Variants in RBSN observed in about 807,000 individuals in gnomAD.
RBSN encodes rabenosyn-5.
A neutral mutation model predicts 60.5 loss-of-function variants in RBSN; 34 were observed. The observed-to-expected ratio is 0.56, with a 90% CI of 0.43 to 0.75. The LOEUF (loss-of-function observed/expected upper bound fraction) is 0.75. RBSN is among the 30% of genes least tolerant of loss of function. The pLI is 0.00. For synonymous variants in RBSN, 322 were observed against 366.9 expected (o/e 0.88, Z 1.40); for missense variants, 845 against 986.8 (o/e 0.86, Z 1.92).
rs548482332 is a variant in RBSN at position 15,082,186 on chromosome 3, G to A, written c.840+181C>T. ...AAACGAGTTTGTTGCAACACACCCA[G>A]GATGACTCTGACTCACACAGGGCCC... On this transcript the variant is annotated intron_variant, in intron 9 of 13. Transcript: ENST00000253699. This position sits in a 1 kb window ranked among gnomAD's most constrained non-coding sequence, Gnocchi z 4.2. Among the ~76,000 whole-genome samples, 1 of 152,238 alleles carries A rather than the reference G, an allele frequency of 6.6e-6. No homozygotes were observed. The highest frequency in any genetic ancestry group is 1.9e-4 in the East Asian group (1 of 5,182).
In RBSN at chr3:15,093,670, A is replaced by G. The variant is rs543359961; in HGVS notation, c.148+2303T>C. The stretch of plus-strand genomic sequence containing the variant: ...CTCCCAAAGTACTAGAATTACAGGC[A>G]TGAGCCACCGCACCCGGCTGAAGTA... On this transcript the variant is annotated intron_variant, in intron 4 of 13. Transcript: ENST00000253699. 3.3e-5 allele frequency among the ~76,000 whole-genome samples: 5 copies of G among 152,166 alleles called. No individual in the cohort carries two copies. The East Asian group carries it at 9.7e-4, about 29-fold the overall frequency.
At chr3:15,075,247 G>A (rs540028886) in intron 13 of RBSN, 2 of 581,638 alleles carry the variant, frequency 3.4e-6, no homozygotes, top group East Asian at 3.3e-5. Context: ...ATCTCACGCA[G>A]CGTTAAATAC....
rs111598783 is a variant in RBSN, at chr3:15,082,357, C to T, written c.840+10G>A. 7,860 of 1,608,038 alleles carry T rather than the reference C, an allele frequency of 4.9e-3. 38 individuals are homozygous for T. The highest frequency in any genetic ancestry group is 0.012 in the Middle Eastern group (70 of 6,048). On this transcript the variant is annotated intron_variant, in intron 9 of 13. Coordinates refer to ENST00000253699, the MANE Select transcript of RBSN (RefSeq NM_022340.4). The surrounding 1 kb of genome is among the most constrained non-coding windows in gnomAD (Gnocchi z 4.2). Reference sequence around the variant, plus strand: ...AGAAATTAGACCCAAGACCAGACAGCGCGAATCACCTCGTAGAGCTTCACG... The same window carrying T: ...AGAAATTAGACCCAAGACCAGACAGTGCGAATCACCTCGTAGAGCTTCACG...
intron 4 of RBSN, among the ~76,000 whole-genome samples, chr3:15,091,093 C>T (rs2125180386): frequency 6.6e-6 from 1 of 150,664 alleles, no homozygotes; most frequent in Admixed American, 6.7e-5. Flanking sequence ...ACCTGTAGTC[C>T]CAGCTACTTG....
Position 15,074,682 on chromosome 3 carries a change from C to T in RBSN, c.1455G>A (p.Leu485=). The change falls in exon 14 of 14, where the codon CTG becomes CTA. Residue 485 remains leucine (L), a synonymous_variant. Transcript: ENST00000253699. This position sits in a 1 kb window ranked among gnomAD's most constrained non-coding sequence, Gnocchi z 6.4. The stretch of plus-strand genomic sequence containing the variant: ...CCTGCAGCTGCCGCAGGTTCTCCTG[C>T]AGAGTGCGCACTTCATCCATGCGGC... ...AAGRMDEVRT[L]QENLRQLQDE... is the part of the protein sequence containing the mutation. The T allele has an allele frequency of 1.2e-6, 2 of 1,614,274 alleles. No individual in the cohort carries two copies. The highest frequency in any genetic ancestry group is 2.2e-5 in the South Asian group (2 of 91,090).
chr3:15,093,439 G>C (rs1347358888), intron 4 of RBSN, among the ~76,000 whole-genome samples: 3 of 152,224 alleles, frequency 2.0e-5, no homozygotes, highest in Non-Finnish European at 4.4e-5. Flanking sequence ...TTTTGAGACA[G>C]TTTCACTCTG....
chr3:15,075,248 C>A, intron 13 of RBSN: 1 of 580,448 alleles, frequency 1.7e-6, no homozygotes, highest in South Asian at 1.8e-5. Context: ...TCTCACGCAG[C>A]GTTAAATACA....
At chr3:15,086,020 C>A in intron 5 of RBSN, 59 bp from the exon 6 acceptor site, 1 of 1,283,756 alleles carries the variant, frequency 7.8e-7, no homozygotes, top group Non-Finnish European at 1.1e-6. Flanking sequence ...GGAGCCTAGT[C>A]TCTACCTTGC....
intron 4 of RBSN, chr3:15,091,463 T>C: frequency 7.8e-7 from 1 of 1,286,500 alleles, no homozygotes; most frequent in Non-Finnish European, 1.0e-6. Context: ...TGAGAATACT[T>C]GCAAAAAGCT....
In RBSN at chr3:15,074,273, C is replaced by T. The variant is rs764563601; in HGVS notation, c.1864G>A (p.Gly622Arg). Reference protein sequence around the residue: ...PQSSMPQQHEGPSLNPFDEED... With the variant: ...PQSSMPQQHERPSLNPFDEED... Reference sequence around the variant, plus strand: ...TCATCAAAGGGGTTTAAGGAGGGCCCCTCATGTTGCTGTGGCATGCTGCTC... The same window carrying T: ...TCATCAAAGGGGTTTAAGGAGGGCCTCTCATGTTGCTGTGGCATGCTGCTC... The change falls in exon 14 of 14, where the codon GGG becomes AGG. Residue 622 changes from glycine (G) to arginine (R), a missense_variant. By Grantham distance (125) the Gly-to-Arg change is moderately radical. Transcript: ENST00000253699. This position sits in a 1 kb window ranked among gnomAD's most constrained non-coding sequence, Gnocchi z 6.4. 6.2e-7 allele frequency: 1 copy of T among 1,613,428 alleles called. No homozygotes were observed. The highest frequency in any genetic ancestry group is 1.1e-5 in the South Asian group (1 of 91,024).
At chr3:15,098,471 A>AAAAAAAAAAAAAC (rs2043731083) in intron 1 of RBSN, among the ~76,000 whole-genome samples, 197 bp from the exon 2 acceptor site, 1 of 43,898 alleles carries the variant, frequency 2.3e-5, no homozygotes, top group Admixed American at 2.7e-4. Flanking sequence ...AAATAAAAAT[A>AAAAAAAAAAAAAC]AAAAAAATAA....
intron 13 of RBSN, 194 bp downstream of exon 13, chr3:15,075,412 T>C (rs761049572): frequency 1.5e-6 from 1 of 688,558 alleles, no homozygotes; most frequent in South Asian, 1.5e-5. Flanking sequence ...GAAAGAAAAA[T>C]AGGCCCTGGG....
At chr3:15,098,579 T>G (rs1330224762) in intron 1 of RBSN, among the ~76,000 whole-genome samples, 10 of 147,876 alleles carry the variant, frequency 6.8e-5, no homozygotes, top group African/African-American at 1.0e-4. Flanking sequence ...CAACCCGGCC[T>G]CACGATCGCA....
chr3:15,079,873 T>C (rs1382129119), intron 10 of RBSN, among the ~76,000 whole-genome samples: 1 of 151,982 alleles, frequency 6.6e-6, no homozygotes, highest in Non-Finnish European at 1.5e-5. Flanking sequence ...ATTTTGTGAA[T>C]ACGCTAAAAA....
chr3:15,078,821 T>TAC (rs1559342922), intron 10 of RBSN, among the ~76,000 whole-genome samples: 5 of 112,886 alleles, frequency 4.4e-5, no homozygotes, highest in African/African-American at 1.3e-4. Flanking sequence ...TATATATATA[T>TAC]ATACATGGTT....
intron 5 of RBSN, among the ~76,000 whole-genome samples, chr3:15,088,040 C>T (rs2043395464): frequency 6.6e-6 from 1 of 152,184 alleles, no homozygotes; most frequent in African/African-American, 2.4e-5. Context: ...TAAAATTTGC[C>T]ATTCATTTGA....
intron 12 of RBSN, 85 bp downstream of exon 12, chr3:15,076,977 G>A (rs1402357682): frequency 1.4e-5 from 15 of 1,101,966 alleles, no homozygotes; most frequent in Non-Finnish European, 1.9e-5. Context: ...AAGTAAACAA[G>A]TCATTGGCAT....
At chr3:15,075,387 A>G (rs1480643058) in intron 13 of RBSN, 1 of 672,696 alleles carries the variant, frequency 1.5e-6, no homozygotes, top group East Asian at 2.9e-5. Flanking sequence ...CCATGAGAGA[A>G]TCAGCAGAAG....
intron 13 of RBSN, 21 bp downstream of exon 13, chr3:15,075,585 C>T (rs755240563): frequency 1.9e-6 from 3 of 1,600,472 alleles, no homozygotes; most frequent in East Asian, 2.2e-5. Context: ...AAGCAGGCCC[C>T]ATATCCCTGG....
Sources: allele counts gnomAD v4.1 joint callset (sites outside exome capture counted in the v4.1 genomes callset), GRCh38; gene constraint gnomAD v4.1.1; non-coding constraint Gnocchi (gnomAD v3.1); transcripts MANE v1.5; gene names NCBI Gene and HGNC (gene_info 2026-07-23, HGNC 2026-07-21).